The following UPRT variants were observed in gnomAD, a reference collection of about 807,000 sequenced individuals.
UPRT encodes RP11-311P8.3.
In UPRT, 5 loss-of-function variants were observed where a neutral mutation model predicts 22.6. The observed-to-expected ratio is 0.22, with a 90% CI of 0.12 to 0.47. The LOEUF (loss-of-function observed/expected upper bound fraction) is 0.47. Ranked by LOEUF, UPRT falls within the 20% of genes least tolerant of loss-of-function variation. The pLI is 0.99. For synonymous variants in UPRT, 77 were observed against 87.7 expected (o/e 0.88, Z 0.68); for missense variants, 181 against 239.9 (o/e 0.75, Z 1.62).
intron 4 of UPRT, among the ~76,000 whole-genome samples, chrX:75,187,382 C>T (rs1352696597): frequency 2.2e-4 from 24 of 111,498 alleles, no homozygotes; most frequent in Admixed American, 4.7e-4. Flanking sequence ...GAGTTTCTGC[C>T]GAGAGATCCG....
At chrX:75,163,554 G>T (rs955376833) in intron 3 of UPRT, among the ~76,000 whole-genome samples, 21 of 111,666 alleles carry the variant, frequency 1.9e-4, no homozygotes. Flanking sequence ...GGCCATCTTA[G>T]AATTCTGCCT....
chrX:75,201,862 T>A (rs1370641195), intron 4 of UPRT: 1 of 112,488 alleles, frequency 8.9e-6, no homozygotes, highest in African/African-American at 3.3e-5. Context: ...GTCGTCCCAT[T>A]TCCTGGGAAC....
chrX:75,215,713 C>G (rs2082391060), intron 4 of UPRT, among the ~76,000 whole-genome samples: 1 of 111,189 alleles, frequency 9.0e-6, no homozygotes, highest in Admixed American at 9.6e-5. Context: ...TTAAAATTAC[C>G]TATTGGCTAC....
chrX:75,265,188 G>A (rs1014103113), intron 4 of UPRT, among the ~76,000 whole-genome samples: 5 of 110,914 alleles, frequency 4.5e-5, no homozygotes, highest in East Asian at 5.7e-4. Context: ...GAGTATCTTC[G>A]TGGCATTCTC....
At chrX:75,286,091 C>CT (rs1302597878) in intron 1 of UPRT, among the ~76,000 whole-genome samples, 2 of 110,721 alleles carry the variant, frequency 1.8e-5, no homozygotes, top group Non-Finnish European at 3.8e-5. Flanking sequence ...GCCGGAAAAG[C>CT]TTTTTTTGTT....
At chrX:75,158,679 T>C (rs1273075717) in intron 1 of UPRT, among the ~76,000 whole-genome samples, 1 of 111,753 alleles carries the variant, frequency 8.9e-6, no homozygotes, top group Non-Finnish European at 1.9e-5. Flanking sequence ...GGTCTTCTGT[T>C]TCTAAAAAAT....
At chrX:75,302,922 A>G (rs1043234321) in intron 6 of UPRT, among the ~76,000 whole-genome samples, 8 of 109,921 alleles carry the variant, frequency 7.3e-5, no homozygotes, top group African/African-American at 2.6e-4. Flanking sequence ...TTTTTTTTTA[A>G]TAGAGATGGG....
chrX:75,168,386 A>G (rs2082218018), intron 4 of UPRT, among the ~76,000 whole-genome samples: 1 of 96,931 alleles, frequency 1.0e-5, no homozygotes, highest in African/African-American at 4.0e-5. Flanking sequence ...TAATTTTGAT[A>G]TTAACCATCA....
At chrX:75,187,154 G>C (rs1390408971) in intron 4 of UPRT, among the ~76,000 whole-genome samples, 1 of 111,653 alleles carries the variant, frequency 9.0e-6, no homozygotes, top group African/African-American at 3.3e-5. Context: ...TTTGCAGCAG[G>C]TGGTACCGGT....
At chrX:75,295,171 T>C (rs1416130845) in intron 2 of UPRT, among the ~76,000 whole-genome samples, 2 of 110,451 alleles carry the variant, frequency 1.8e-5, no homozygotes, top group Non-Finnish European at 3.8e-5. Flanking sequence ...TATATTAATT[T>C]CATCCTGAAT....
intron 4 of UPRT, among the ~76,000 whole-genome samples, chrX:75,220,246 T>A (rs971161731): frequency 4.5e-5 from 5 of 111,367 alleles, no homozygotes; most frequent in African/African-American, 1.6e-4. Context: ...TGGTTTCTAT[T>A]AGTATAAAAT....
chrX:75,298,681 T>G (rs2082734486), intron 4 of UPRT, among the ~76,000 whole-genome samples: 1 of 112,401 alleles, frequency 8.9e-6, no homozygotes, highest in Non-Finnish European at 1.9e-5. Context: ...ACTAGGAACT[T>G]TAAGCTCCTT....
At chrX:75,209,121 G>A (rs1479733229) in intron 4 of UPRT, among the ~76,000 whole-genome samples, 1 of 111,513 alleles carries the variant, frequency 9.0e-6, no homozygotes, top group Non-Finnish European at 1.9e-5. Context: ...GCCTAGAGGG[G>A]AGTTTATCAA....
intron 4 of UPRT, among the ~76,000 whole-genome samples, chrX:75,191,299 C>T (rs1297425685): frequency 1.8e-5 from 2 of 112,429 alleles, no homozygotes; most frequent in African/African-American, 6.5e-5. Context: ...GCGAATATTG[C>T]TGAACAGCAA....
At position 75,303,479 on chromosome X, in the gene UPRT, C is replaced by G; in HGVS notation, c.898C>G (p.His300Asp). The G allele has an allele frequency of 8.3e-7, 1 of 1,201,755 alleles. No homozygotes were observed. The highest frequency in any genetic ancestry group is 1.1e-6 in the Non-Finnish European group (1 of 889,713). Residue 300 changes from histidine to aspartate, a missense_variant, in exon 7 of 7, where the codon CAT becomes GAT. Coordinates refer to ENST00000373383, the MANE Select transcript of UPRT (RefSeq NM_145052.4). ...TGAAGTTCATCCTGTTGCACCTACA[C>G]ATTTTGGACAGAAATACTTTGGAAC... ...TTEVHPVAPT[H>D]FGQKYFGTD
intron 4 of UPRT, among the ~76,000 whole-genome samples, chrX:75,217,320 A>C (rs2082396094): frequency 9.0e-6 from 1 of 111,438 alleles, no homozygotes; most frequent in Non-Finnish European, 1.9e-5. Flanking sequence ...ACTTTAAAGT[A>C]GTTTTTTCCA....
rs1160886072 is a variant in UPRT, at chrX:75,197,617, T to C, written c.-447+29738T>C. Among the ~76,000 whole-genome samples the C allele has an allele frequency of 9.0e-5, 10 of 111,689 alleles. No individual in the cohort carries two copies. In the Admixed American group the frequency reaches 9.5e-4, roughly 11 times the overall value. On this transcript the variant is annotated intron_variant, in intron 4 of 13. Transcript: ENST00000652605. ...TAAAACATATATCAGACATAAGACT[T>C]GTATCCTATATAAACACTTCTAAAA...
At chrX:75,198,283 G>T (rs1448062354) in intron 4 of UPRT, among the ~76,000 whole-genome samples, 2 of 112,844 alleles carry the variant, frequency 1.8e-5, no homozygotes, top group African/African-American at 6.4e-5. Flanking sequence ...AAAGCTGCCA[G>T]TGAGAGACTG....
intron 4 of UPRT, among the ~76,000 whole-genome samples, chrX:75,180,681 G>GTTTTTTTTTTTTTTTTTTTTTT (rs59522302): frequency 9.1e-5 from 4 of 43,893 alleles, no homozygotes; most frequent in African/African-American, 2.8e-4. Context: ...CCTTTTCTCT[G>GTTTTTTTTTTTTTTTTTTTTTT]TTTTTTTTTT....
Sources: gnomAD v4.1 joint callset for allele counts (sites outside exome capture counted in the v4.1 genomes callset) on GRCh38, gnomAD v4.1.1 for gene constraint, MANE v1.5 for transcripts, NCBI Gene and HGNC (gene_info 2026-07-23, HGNC 2026-07-21) for gene names.